The following MYO16 variants were observed in gnomAD, a reference collection of about 807,000 sequenced individuals.
MYO16 encodes the protein myosin XVI.
A neutral mutation model predicts 205.3 loss-of-function variants in MYO16; 94 were observed. The ratio of observed to expected loss-of-function variants is 0.46; its 90% confidence interval spans 0.39 to 0.54. The LOEUF is 0.54. Ranked by LOEUF, MYO16 falls within the 20% of genes least tolerant of loss-of-function variation. MYO16 has a pLI of 0.00. For synonymous variants in MYO16, 988 were observed against 954.0 expected, an observed-to-expected ratio of 1.04 and a Z score of -0.66; for missense variants, 2,315 against 2,387.5, an observed-to-expected ratio of 0.97 and a Z score of 0.63.
In MYO16 at chr13:108,768,926, GAAGA is replaced by G. The variant is rs1594279373; in HGVS notation, c.508-16706_508-16703del. Among the ~76,000 whole-genome samples, 19 of 152,032 alleles carry G rather than the reference GAAGA, an allele frequency of 1.2e-4. No homozygotes were observed. In the South Asian group the frequency reaches 3.9e-3, roughly 32 times the overall value. On this transcript the variant is annotated intron_variant, in intron 4 of 34. Coordinates refer to ENST00000457511, the MANE Select transcript of MYO16 (RefSeq NM_001198950.3). Reference sequence around the variant, plus strand: ...AGAAATCAAATGGCCATGAACATGTGAAGAAATAGGTAGCTTTTCCTGGAATTAA... The same window carrying G: ...AGAAATCAAATGGCCATGAACATGTGAATAGGTAGCTTTTCCTGGAATTAA...
chr13:109,076,698 A>G (rs1409739825), intron 27 of MYO16, among the ~76,000 whole-genome samples: 2 of 152,056 alleles, frequency 1.3e-5, no homozygotes, highest in African/African-American at 4.8e-5. Flanking sequence ...GTCCTAAGAG[A>G]GTGGGGTGGA....
At chr13:109,043,503 G>A (rs1886945859) in intron 23 of MYO16, among the ~76,000 whole-genome samples, 2 of 152,174 alleles carry the variant, frequency 1.3e-5, no homozygotes, top group African/African-American at 4.8e-5. Flanking sequence ...GACTCTATAT[G>A]ACAGAGTCAG....
chr13:108,549,212 T>C, the MYO16 span, among the ~76,000 whole-genome samples: 2 of 152,204 alleles, frequency 1.3e-5, no homozygotes, highest in Non-Finnish European at 2.9e-5. Context: ...AATCTTGAGA[T>C]GGTGAGATTA....
At chr13:108,510,485 T>TTTTTTTTTTTA in the MYO16 span, among the ~76,000 whole-genome samples, 5 of 96,472 alleles carry the variant, frequency 5.2e-5, no homozygotes, top group African/African-American at 1.3e-4. Flanking sequence ...TTTTTTTTTT[T>TTTTTTTTTTTA]ATTGTACTTT....
At chr13:108,791,638 C>G (rs890815514) in intron 5 of MYO16, among the ~76,000 whole-genome samples, 1 of 152,198 alleles carries the variant, frequency 6.6e-6, no homozygotes, top group African/African-American at 2.4e-5. Flanking sequence ...CTCCTCTTCT[C>G]TATTGCTCAT....
At chr13:108,937,478 A>G (rs982358242) in intron 16 of MYO16, among the ~76,000 whole-genome samples, 1 of 152,030 alleles carries the variant, frequency 6.6e-6, no homozygotes, top group African/African-American at 2.4e-5. Context: ...TGTTTACTTT[A>G]TATTCTTTTC....
intron 5 of MYO16, among the ~76,000 whole-genome samples, chr13:108,787,605 G>A (rs1396043891): frequency 6.6e-6 from 1 of 152,040 alleles, no homozygotes; most frequent in African/African-American, 2.4e-5. Context: ...AAATAAATGT[G>A]TTCCTTTGAG....
intron 9 of MYO16, among the ~76,000 whole-genome samples, chr13:108,831,522 CT>C (rs1355572139): frequency 6.6e-6 from 1 of 152,012 alleles, no homozygotes; most frequent in Admixed American, 6.6e-5. Context: ...AAGTTACTTT[CT>C]TTTTTCCAGA....
At chr13:109,023,401 T>G (rs1344342675) in intron 23 of MYO16, among the ~76,000 whole-genome samples, 1 of 45,122 alleles carries the variant, frequency 2.2e-5, no homozygotes, top group South Asian at 1.0e-3. Flanking sequence ...AAATATATAT[T>G]TATATATTAT....
At chr13:108,951,493 G>A (rs1190348700) in intron 16 of MYO16, among the ~76,000 whole-genome samples, 3 of 152,116 alleles carry the variant, frequency 2.0e-5, no homozygotes, top group Admixed American at 2.0e-4. Flanking sequence ...GGATATCCCT[G>A]CCAATTAAAT....
chr13:109,115,717 C>T (rs1175017763), intron 28 of MYO16, among the ~76,000 whole-genome samples: 5 of 152,042 alleles, frequency 3.3e-5, no homozygotes, highest in Admixed American at 6.6e-5. Context: ...AATTTTCTTT[C>T]GGTCAATGTC....
chr13:108,632,078 CAAAAAAAAAAAA>C (rs59971095), intron 1 of MYO16, among the ~76,000 whole-genome samples: 1 of 67,256 alleles, frequency 1.5e-5, no homozygotes, highest in African/African-American at 6.1e-5. Context: ...AACCCCAACT[CAAAAAAAAAAAA>C]AAAAAAAAAG....
chr13:108,742,497 AAT>A (rs1028571142), intron 4 of MYO16, among the ~76,000 whole-genome samples: 2 of 152,118 alleles, frequency 1.3e-5, no homozygotes, highest in African/African-American at 2.4e-5. Context: ...GAGCATCTCA[AAT>A]ATGTTTTATT....
rs550014367 is a variant in MYO16, at chr13:108,845,983, A to G, written c.1248+1490A>G. Among the ~76,000 whole-genome samples the G allele has an allele frequency of 5.9e-5, 9 of 152,196 alleles. No individual in the cohort carries two copies. In the South Asian group the frequency reaches 1.9e-3, roughly 32 times the overall value. ...CTTAGCCTCCCAAAGTGCTTGGATT[A>G]TAGGTGTGAGCCACCACACCTGGCA... is the stretch of plus-strand genomic sequence containing the variant. On this transcript the variant is annotated intron_variant, in intron 10 of 34. Transcript: ENST00000457511.
the MYO16 span, among the ~76,000 whole-genome samples, chr13:108,581,082 A>G: frequency 2.6e-5 from 4 of 152,206 alleles, no homozygotes; most frequent in African/African-American, 9.6e-5. Context: ...CATTGAATGA[A>G]TACACGCTGC....
chr13:109,075,547 T>C (rs1888070590), intron 27 of MYO16, among the ~76,000 whole-genome samples: 1 of 151,990 alleles, frequency 6.6e-6, no homozygotes, highest in African/African-American at 2.4e-5. Flanking sequence ...GGCTAATTTT[T>C]GTATTTTTAG....
chr13:108,694,353 A>G (rs1437600801), intron 2 of MYO16, among the ~76,000 whole-genome samples: 1 of 152,224 alleles, frequency 6.6e-6, no homozygotes, highest in East Asian at 1.9e-4. Context: ...TTTAATAACT[A>G]CTAAACTGTT....
chr13:108,683,843 T>TA (rs1736764375), intron 2 of MYO16, among the ~76,000 whole-genome samples: 1 of 152,226 alleles, frequency 6.6e-6, no homozygotes. Context: ...AAACATGCTT[T>TA]ATGCCTCTGG....
chr13:108,784,648 T>C (rs1886404553), intron 4 of MYO16, among the ~76,000 whole-genome samples: 1 of 152,230 alleles, frequency 6.6e-6, no homozygotes, highest in African/African-American at 2.4e-5. Flanking sequence ...ATGTGAATCA[T>C]ATTTTATGTA....
Sources: allele counts gnomAD v4.1 joint callset (sites outside exome capture counted in the v4.1 genomes callset), GRCh38; gene constraint gnomAD v4.1.1; transcripts MANE v1.5; gene names NCBI Gene and HGNC (gene_info 2026-07-23, HGNC 2026-07-21).